FHIT: variants seen among roughly 807,000 people sequenced by gnomAD.
The protein encoded by FHIT is fragile histidine triad diadenosine triphosphatase.
Under a neutral mutation model 17.9 loss-of-function variants are expected in FHIT, and 19 were observed. The ratio of observed to expected loss-of-function variants is 1.06; its 90% CI spans 0.74 to 1.56. The LOEUF (loss-of-function observed/expected upper bound fraction) is 1.56, where lower values mean the gene tolerates loss of function less well. Ranked by LOEUF, FHIT falls within the 40% of genes most tolerant of loss-of-function variation. The pLI is 0.00. For missense variants in FHIT, 248 were observed against 189.2 expected (o/e 1.31, Z -1.82); for synonymous variants, 81 against 69.7 (o/e 1.16, Z -0.81).
chr3:59,810,544 A>T (rs571621032), intron 8 of FHIT, among the ~76,000 whole-genome samples: 1 of 152,330 alleles, frequency 6.6e-6, no homozygotes, highest in East Asian at 1.9e-4. Context: ...CCAAACGAGT[A>T]CATTTTCTTG....
At chr3:61,004,544 G>T (rs2107610341) in intron 3 of FHIT, among the ~76,000 whole-genome samples, 1 of 152,332 alleles carries the variant, frequency 6.6e-6, no homozygotes, top group South Asian at 2.1e-4. Context: ...AAGGAGCACT[G>T]ACCAGAACTT....
chr3:59,961,377 C>T (rs1707672165), intron 7 of FHIT, among the ~76,000 whole-genome samples: 1 of 151,834 alleles, frequency 6.6e-6, no homozygotes. Context: ...CACCTGGTTC[C>T]ATAAGGAAAA....
intron 3 of FHIT, among the ~76,000 whole-genome samples, chr3:60,976,884 T>G (rs1045343249): frequency 4.0e-5 from 6 of 151,688 alleles, no homozygotes; most frequent in African/African-American, 1.2e-4. Flanking sequence ...AATACTTGTT[T>G]TTTTTTTTTT....
At chr3:61,011,585 G>T (rs2031792246) in intron 3 of FHIT, among the ~76,000 whole-genome samples, 1 of 151,988 alleles carries the variant, frequency 6.6e-6, no homozygotes, top group African/African-American at 2.4e-5. Flanking sequence ...TGGAGTTCAT[G>T]GAATCAGATA....
At chr3:59,828,625 G>T (rs1701056668) in intron 8 of FHIT, among the ~76,000 whole-genome samples, 1 of 152,058 alleles carries the variant, frequency 6.6e-6, no homozygotes, top group African/African-American at 2.4e-5. Context: ...TAACTTCTTG[G>T]ACCAAATTAC....
At chr3:59,911,170 T>G (rs1415085579) in intron 8 of FHIT, among the ~76,000 whole-genome samples, 4 of 152,234 alleles carry the variant, frequency 2.6e-5, no homozygotes, top group African/African-American at 9.6e-5. Context: ...GATGGCTACA[T>G]AGATGAATAT....
intron 7 of FHIT, among the ~76,000 whole-genome samples, chr3:59,989,395 C>G (rs1165799290): frequency 6.6e-6 from 1 of 151,976 alleles, no homozygotes; most frequent in African/African-American, 2.4e-5. Flanking sequence ...AAGGCCCCAG[C>G]TTTAGTTCTA....
chr3:60,104,345 C>A (rs1422190941), intron 5 of FHIT, among the ~76,000 whole-genome samples: 1 of 152,090 alleles, frequency 6.6e-6, no homozygotes, highest in Non-Finnish European at 1.5e-5. Context: ...TCAATGTGTG[C>A]ATTCAGTGCT....
At chr3:60,477,871 C>T (rs770712838) in intron 5 of FHIT, among the ~76,000 whole-genome samples, 19 of 152,272 alleles carry the variant, frequency 1.2e-4, no homozygotes, top group Admixed American at 5.9e-4. Flanking sequence ...GGGAGCAACA[C>T]TTTTTCACCC....
At chr3:59,815,519 G>GTA (rs145945814) in intron 8 of FHIT, among the ~76,000 whole-genome samples, 4,697 of 151,950 alleles carry the variant, frequency 0.031, 258 homozygotes, top group African/African-American at 0.11. Context: ...AGAAATTGTG[G>GTA]TATATATATA....
chr3:60,288,905 C>T (rs149360837), intron 5 of FHIT, among the ~76,000 whole-genome samples: 172 of 152,236 alleles, frequency 1.1e-3, no homozygotes, highest in African/African-American at 4.0e-3. Flanking sequence ...TATGATTAGA[C>T]AGTATCTGTG....
chr3:60,481,134 G>A (rs1018076599), intron 5 of FHIT, among the ~76,000 whole-genome samples: 1 of 152,138 alleles, frequency 6.6e-6, no homozygotes, highest in Non-Finnish European at 1.5e-5. Flanking sequence ...AAAAAAGAAT[G>A]AAGAGGAGTG....
chr3:60,032,850 A>T (rs964200063), intron 5 of FHIT, among the ~76,000 whole-genome samples: 25 of 152,208 alleles, frequency 1.6e-4, no homozygotes, highest in Non-Finnish European at 3.1e-4. Flanking sequence ...TGAATTTCTA[A>T]TTTTACTTAA....
intron 5 of FHIT, among the ~76,000 whole-genome samples, chr3:60,340,342 A>G (rs924494358): frequency 2.6e-5 from 4 of 152,236 alleles, no homozygotes; most frequent in African/African-American, 9.6e-5. Flanking sequence ...CATAATCAAC[A>G]TACATGTATT....
intron 4 of FHIT, among the ~76,000 whole-genome samples, chr3:60,810,698 T>C (rs1701546125): frequency 6.6e-6 from 1 of 152,088 alleles, no homozygotes; most frequent in South Asian, 2.1e-4. Context: ...ATGAAGAAAT[T>C]GCTTCTTAAA....
intron 5 of FHIT, among the ~76,000 whole-genome samples, chr3:60,114,513 T>TTTTTTTTTTTTTTTTTA (rs1576129505): frequency 7.0e-6 from 1 of 142,608 alleles, no homozygotes; most frequent in Non-Finnish European, 1.5e-5. Context: ...TTTTTTTTTT[T>TTTTTTTTTTTTTTTTTA]GAGACAAGGT....
intron 4 of FHIT, among the ~76,000 whole-genome samples, chr3:60,809,973 C>T (rs1559739926): frequency 6.6e-6 from 1 of 152,056 alleles, no homozygotes; most frequent in Admixed American, 6.6e-5. Context: ...ATTGAGAAAC[C>T]CTACCAGCCT....
rs1375512898 is a variant in FHIT, at chr3:60,020,516, A to G, written c.104-6364T>C. ...TTAGCCTGTGTATATATTAATATGA[A>G]GTAAGGCAGTATCAGATAATACAAC... On this transcript the variant is annotated intron_variant, in intron 5 of 9. Coordinates refer to ENST00000492590, the MANE Select transcript of FHIT (RefSeq NM_002012.4). Among the ~76,000 whole-genome samples, 4 of 152,206 alleles carry G rather than the reference A, an allele frequency of 2.6e-5. No homozygotes were observed. The East Asian group carries it at 7.7e-4, about 29-fold the overall frequency.
At chr3:60,742,219 T>G (rs1239745640) in intron 4 of FHIT, among the ~76,000 whole-genome samples, 7 of 152,144 alleles carry the variant, frequency 4.6e-5, no homozygotes, top group Admixed American at 4.6e-4. Context: ...ATGATGCTAA[T>G]TACAACGAAT....
Sources: gnomAD v4.1 joint callset for allele counts (sites outside exome capture counted in the v4.1 genomes callset) on GRCh38, gnomAD v4.1.1 for gene constraint, MANE v1.5 for transcripts, NCBI Gene and HGNC (gene_info 2026-07-23, HGNC 2026-07-21) for gene names.